COL4A6: variants seen among roughly 807,000 people sequenced by gnomAD.
COL4A6 encodes collagen type IV alpha 6 chain, also known as collagen alpha-6(IV) chain.
COL4A6 carries 59 observed loss-of-function variants against 126.7 expected under a neutral mutation model. The observed-to-expected ratio is 0.47, with a 90% CI of 0.38 to 0.58. COL4A6 has a LOEUF of 0.58. Among genes scored for constraint, COL4A6 ranks in the 20% least tolerant of loss-of-function variants. The pLI is 0.00. For synonymous variants in COL4A6, 547 were observed against 496.6 expected, an observed-to-expected ratio of 1.10 and a Z score of -1.35; for missense variants, 1,285 against 1,337.3, an observed-to-expected ratio of 0.96 and a Z score of 0.61.
rs375732155 is a variant in COL4A6 at position 108,315,327 on chromosome X, G to A, written c.64-4499C>T. 3.6e-5 allele frequency among the ~76,000 whole-genome samples: 4 copies of A among 110,642 alleles called. No homozygotes were observed. The East Asian group carries it at 8.5e-4, about 24-fold the overall frequency. On this transcript the variant is annotated intron_variant, in intron 2 of 44. Coordinates refer to ENST00000334504, the MANE Select transcript of COL4A6 (RefSeq NM_033641.4). ...GCGACCTGGGCTCACTGCAGCCTCC[G>A]CCTCCCAGGTTCAAGCCATTCTCTG... is the stretch of plus-strand genomic sequence containing the variant.
rs772695582 is a variant in COL4A6 at position 108,373,396 on chromosome X, C to T, written c.64-62568G>A. On this transcript the variant is annotated intron_variant, in intron 2 of 44. Transcript: ENST00000334504. Reference sequence around the variant, plus strand: ...TTCTCTTGAGGAAGTTTTCAAATCCCAGAATGCCTTCCTTGGAAATCTTTT... The same window carrying T: ...TTCTCTTGAGGAAGTTTTCAAATCCTAGAATGCCTTCCTTGGAAATCTTTT... Among the ~76,000 whole-genome samples, 3 of 111,896 alleles carry T rather than the reference C, an allele frequency of 2.7e-5. No individual in the cohort carries two copies. The Admixed American group carries it at 2.8e-4, about 11-fold the overall frequency.
chrX:108,432,359 T>C (rs1044604617), intron 2 of COL4A6, among the ~76,000 whole-genome samples: 11 of 112,765 alleles, frequency 9.8e-5, no homozygotes, highest in Non-Finnish European at 1.7e-4. Flanking sequence ...GTGTTTTATG[T>C]TTCTCAAACA....
At chrX:108,184,269 A>G (rs1569338317) in intron 23 of COL4A6, among the ~76,000 whole-genome samples, 1 of 112,533 alleles carries the variant, frequency 8.9e-6, no homozygotes, top group African/African-American at 3.2e-5. Context: ...CATAGAGAGA[A>G]AAAGAAAGCT....
intron 3 of COL4A6, among the ~76,000 whole-genome samples, chrX:108,298,956 G>A (rs192435490): frequency 9.6e-4 from 107 of 111,098 alleles, no homozygotes; most frequent in Non-Finnish European, 8.9e-4. Flanking sequence ...GGAGCAATGG[G>A]ACCCCAGTTC....
chrX:108,365,155 TCC>T (rs1168920897), intron 2 of COL4A6, among the ~76,000 whole-genome samples: 1 of 111,833 alleles, frequency 8.9e-6, no homozygotes, highest in African/African-American at 3.3e-5. Context: ...CTTCTTCATT[TCC>T]CAAATCAATC....
chrX:108,309,004 T>C (rs759753989), intron 3 of COL4A6, among the ~76,000 whole-genome samples: 49 of 111,529 alleles, frequency 4.4e-4, no homozygotes, highest in South Asian at 1.9e-3. Context: ...ACACGTTAAG[T>C]TTACAAAAGG....
Position 108,204,410 on chromosome X carries a change from C to A in COL4A6, c.690G>T (p.Gly230=), listed in dbSNP as rs1213572212. The A allele has an allele frequency of 9.2e-6, 11 of 1,198,752 alleles. No individual in the cohort carries two copies. The highest frequency in any genetic ancestry group is 1.2e-5 in the Non-Finnish European group (11 of 886,091). The part of the protein sequence containing the change: ...LGFQGEKGVK[G]DVGLPGPAGP... ...CTGCTGGGCCAGGGAGGCCAACATC[C>A]CCCTGTAAGATCAAATGGAACATTA... The change falls in exon 12 of 45, where the codon GGG becomes GGT. Residue 230 remains glycine, a splice_region_variant and synonymous_variant. Transcript: ENST00000334504.
chrX:108,317,762 G>T (rs979026204), intron 2 of COL4A6, among the ~76,000 whole-genome samples: 24 of 107,317 alleles, frequency 2.2e-4, no homozygotes, highest in South Asian at 8.1e-4. Flanking sequence ...ATTTCTGAGG[G>T]CTCCGTTCTG....
intron 2 of COL4A6, among the ~76,000 whole-genome samples, chrX:108,398,000 T>G (rs1323663986): frequency 8.9e-6 from 1 of 112,763 alleles, no homozygotes; most frequent in Non-Finnish European, 1.9e-5. Flanking sequence ...CAAGACCCCG[T>G]GTTAGACGAT....
intron 3 of COL4A6, among the ~76,000 whole-genome samples, chrX:108,228,528 T>C (rs1350616745): frequency 1.8e-5 from 2 of 112,244 alleles, no homozygotes; most frequent in Non-Finnish European, 3.8e-5. Context: ...GTATTGGAGA[T>C]AAGGTCATTG....
intron 2 of COL4A6, among the ~76,000 whole-genome samples, chrX:108,402,574 T>C (rs191399430): frequency 4.9e-4 from 55 of 111,265 alleles, no homozygotes; most frequent in Non-Finnish European, 1.0e-3. Context: ...AATATCTATA[T>C]CATTAATTTT....
chrX:108,438,355 A>G lies in COL4A6; in HGVS notation c.-159T>C. On this transcript the variant is annotated 5_prime_UTR_variant, in exon 1 of 45. Transcript: ENST00000334504. ...TTGGAAGAAACTAAACACTGCTTCT[A>G]GATAAGAAGTGCTCCAAAGGGAAAC... 9.3e-7 allele frequency: 1 copy of G among 1,074,747 alleles called. No homozygotes were observed. The allele number at this position is 1,074,747 out of a possible 1,213,427, so 88.6% of individuals were successfully genotyped here. A position where few individuals can be genotyped will look rare whatever the true frequency, so the allele number is the denominator to read the frequency against.
chrX:108,160,685 T>C (rs755843732), intron 42 of COL4A6, 31 bp from the exon 43 acceptor site: 1 of 1,144,757 alleles, frequency 8.7e-7, no homozygotes, highest in African/African-American at 1.8e-5. Context: ...AAGGTGAGTG[T>C]GGTGCAGCTA....
chrX:108,316,671 C>T (rs1468670052), intron 2 of COL4A6, among the ~76,000 whole-genome samples: 1 of 111,703 alleles, frequency 9.0e-6, no homozygotes, highest in African/African-American at 3.3e-5. Context: ...TTTAACAAGC[C>T]CTTCAGGTGA....
chrX:108,216,872 A>G (rs959690191), intron 5 of COL4A6, among the ~76,000 whole-genome samples: 1 of 112,849 alleles, frequency 8.9e-6, no homozygotes, highest in Non-Finnish European at 1.9e-5. Flanking sequence ...CAGGCAGGGA[A>G]CTAGAGATTC....
intron 27 of COL4A6, 56 bp from the exon 28 acceptor site, chrX:108,177,067 T>A: frequency 1.9e-6 from 2 of 1,071,673 alleles, no homozygotes; most frequent in Non-Finnish European, 2.5e-6. Context: ...TCTGGCCAGA[T>A]CTGGGCCACT....
chrX:108,413,182 T>C (rs902888470), intron 2 of COL4A6, among the ~76,000 whole-genome samples: 2 of 111,809 alleles, frequency 1.8e-5, no homozygotes, highest in Non-Finnish European at 3.8e-5. Context: ...CACACAAAAT[T>C]AGGGTACAAA....
chrX:108,367,632 A>T (rs770039443), intron 2 of COL4A6, among the ~76,000 whole-genome samples: 12 of 112,215 alleles, frequency 1.1e-4, no homozygotes, highest in Non-Finnish European at 1.9e-4. Flanking sequence ...TTTTCATTCT[A>T]TTCTATTTCA....
chrX:108,180,165 A>T (rs1266317795), intron 25 of COL4A6, among the ~76,000 whole-genome samples: 1 of 110,758 alleles, frequency 9.0e-6, no homozygotes, highest in East Asian at 2.9e-4. Context: ...GATCCAGGAA[A>T]CTCATAGAAC....
Sources: allele counts gnomAD v4.1 joint callset (sites outside exome capture counted in the v4.1 genomes callset), GRCh38; gene constraint gnomAD v4.1.1; transcripts MANE v1.5; gene names NCBI Gene and HGNC (gene_info 2026-07-23, HGNC 2026-07-21).